Variants in EYS observed in about 807,000 individuals in gnomAD.
EYS encodes EGF-like photoreceptor maintenance factor, also known as protein eyes shut homolog.
Under a neutral mutation model 282.1 loss-of-function variants are expected in EYS, and 250 were observed. That is an observed-to-expected ratio of 0.89 (90% confidence interval 0.80 to 0.98). The LOEUF (loss-of-function observed/expected upper bound fraction) is 0.98. Ranked by LOEUF, EYS falls within the 50% of genes least tolerant of loss-of-function variation. The probability of loss-of-function intolerance (pLI) is 0.00; values close to 1 mark genes in which losing one functional copy is unlikely to be tolerated. For missense variants in EYS, 4,016 were observed against 3,709.0 expected, an observed-to-expected ratio of 1.08 and a Z score of -2.15; for synonymous variants, 1,355 against 1,282.9, an observed-to-expected ratio of 1.06 and a Z score of -1.20.
chr6:64,992,300 A>C (rs961739740), intron 14 of EYS, among the ~76,000 whole-genome samples: 7 of 151,900 alleles, frequency 4.6e-5, no homozygotes, highest in African/African-American at 7.2e-5. Context: ...TTATGATTCT[A>C]ATAAATTGGC....
intron 7 of EYS, among the ~76,000 whole-genome samples, chr6:65,391,319 A>G (rs1267203389): frequency 1.3e-5 from 2 of 152,170 alleles, no homozygotes; most frequent in South Asian, 2.1e-4. Context: ...TATTTTTAAT[A>G]GTTATATAGT....
At position 64,344,509 on chromosome 6, in the gene EYS, T is replaced by C. The variant is rs755739782; in HGVS notation, c.6079-37427A>G. Among the ~76,000 whole-genome samples the C allele has an allele frequency of 1.1e-4, 17 of 151,928 alleles. No homozygotes were observed. The South Asian group carries it at 1.5e-3, about 13-fold the overall frequency. ...AAGGCCTTTGACAAAATTCAACAACTCTTCATGCTAAAAACTCTCAATATT... is the reference window on the plus strand; with the variant it reads ...AAGGCCTTTGACAAAATTCAACAACCCTTCATGCTAAAAACTCTCAATATT... On this transcript the variant is annotated intron_variant, in intron 29 of 42. Transcript: ENST00000503581.
At chr6:64,400,981 T>C (rs903060869) in intron 28 of EYS, among the ~76,000 whole-genome samples, 1 of 152,030 alleles carries the variant, frequency 6.6e-6, no homozygotes, top group Non-Finnish European at 1.5e-5. Flanking sequence ...ATTAAGTTTA[T>C]GTATTCAGAG....
chr6:65,148,427 T>A (rs1199640648), intron 12 of EYS, among the ~76,000 whole-genome samples: 1 of 152,106 alleles, frequency 6.6e-6, no homozygotes, highest in African/African-American at 2.4e-5. Flanking sequence ...CTCCTTTGAC[T>A]CCATGTCTCA....
At chr6:64,111,592 C>T (rs1199356790) in intron 31 of EYS, among the ~76,000 whole-genome samples, 1 of 151,918 alleles carries the variant, frequency 6.6e-6, no homozygotes, top group Non-Finnish European at 1.5e-5. Context: ...TGAAAATAGT[C>T]ATTGTGGAGA....
intron 29 of EYS, among the ~76,000 whole-genome samples, chr6:64,378,826 T>C (rs1772650424): frequency 6.6e-6 from 1 of 152,178 alleles, no homozygotes; most frequent in Non-Finnish European, 1.5e-5. Flanking sequence ...ACTGGCTTCA[T>C]AAGAAAGCAC....
At chr6:64,741,232 C>T (rs1303776180) in intron 22 of EYS, among the ~76,000 whole-genome samples, 2 of 152,128 alleles carry the variant, frequency 1.3e-5, no homozygotes, top group Non-Finnish European at 2.9e-5. Context: ...TATTCTTGTA[C>T]ATCTCCATCA....
chr6:64,483,141 T>C (rs1050843003), intron 26 of EYS, among the ~76,000 whole-genome samples: 4 of 151,654 alleles, frequency 2.6e-5, no homozygotes, highest in Non-Finnish European at 5.9e-5. Flanking sequence ...TATGGGGTTC[T>C]AACACAAATA....
intron 22 of EYS, among the ~76,000 whole-genome samples, chr6:64,798,724 C>G (rs990525902): frequency 1.3e-5 from 2 of 149,122 alleles, no homozygotes; most frequent in African/African-American, 4.9e-5. Context: ...CTCCTTCCTT[C>G]CATAACTCTC....
chr6:65,178,943 A>C (rs939973580), intron 12 of EYS, among the ~76,000 whole-genome samples: 2 of 152,106 alleles, frequency 1.3e-5, no homozygotes, highest in Non-Finnish European at 2.9e-5. Context: ...AAACTGAACA[A>C]CCTGCTCCTG....
intron 31 of EYS, among the ~76,000 whole-genome samples, chr6:64,125,672 G>C (rs1345824742): frequency 1.3e-5 from 2 of 151,334 alleles, no homozygotes; most frequent in Non-Finnish European, 1.5e-5. Context: ...TGTAGTCCCA[G>C]CTACTCAGGA....
intron 29 of EYS, among the ~76,000 whole-genome samples, chr6:64,365,445 G>T (rs2150410802): frequency 6.6e-6 from 1 of 152,046 alleles, no homozygotes; most frequent in South Asian, 2.1e-4. Context: ...ATCACTCTTA[G>T]GTGTGCCTCT....
chr6:63,966,642 C>A (rs973930543), intron 35 of EYS, among the ~76,000 whole-genome samples: 10 of 152,184 alleles, frequency 6.6e-5, no homozygotes, highest in Non-Finnish European at 1.3e-4. Flanking sequence ...TTAATCCCTG[C>A]CCCTTTTACT....
chr6:65,285,789 G>T lies in EYS; in HGVS notation c.2023+10074C>A, dbSNP rs192284682. Among the ~76,000 whole-genome samples the T allele has an allele frequency of 4.0e-5, 6 of 151,872 alleles. No individual in the cohort carries two copies. The East Asian group carries it at 1.2e-3, about 29-fold the overall frequency. On this transcript the variant is annotated intron_variant, in intron 12 of 42. Transcript: ENST00000503581. ...TGAATTATAAATGCAGAGCTAACCT[G>T]GTATCTGTTAGAAAGAGAATGGAAT...
At chr6:65,150,025 G>C (rs373761312) in intron 12 of EYS, among the ~76,000 whole-genome samples, 1 of 151,952 alleles carries the variant, frequency 6.6e-6, no homozygotes, top group Non-Finnish European at 1.5e-5. Flanking sequence ...CAGATCTCAG[G>C]AGAACTCACT....
At chr6:64,527,576 G>C (rs971454381) in intron 26 of EYS, among the ~76,000 whole-genome samples, 2 of 151,656 alleles carry the variant, frequency 1.3e-5, no homozygotes, top group African/African-American at 2.4e-5. Flanking sequence ...CTAAAACAAA[G>C]CAATGTTTTT....
intron 13 of EYS, among the ~76,000 whole-genome samples, chr6:65,027,046 G>A (rs1230766541): frequency 6.7e-6 from 1 of 149,710 alleles, no homozygotes; most frequent in African/African-American, 2.5e-5. Context: ...ACAGTGAGAA[G>A]CTTGGCTACC....
chr6:63,906,933 G>C (rs900821394), intron 35 of EYS, among the ~76,000 whole-genome samples: 49 of 151,990 alleles, frequency 3.2e-4, no homozygotes, highest in African/African-American at 1.1e-3. Flanking sequence ...CTGGAGGGGA[G>C]CAATAATGAA....
At position 64,590,518 on chromosome 6, in the gene EYS, A is replaced by G; in HGVS notation, c.5349T>C (p.Asp1783=). 6.4e-7 allele frequency: 1 copy of G among 1,551,454 alleles called. No homozygotes were observed. The highest frequency in any genetic ancestry group is 8.7e-7 in the Non-Finnish European group (1 of 1,146,820). ...CAACATTGGTGGTGACTTCTGAAAAATCAGGCACTGAGCCTGTCAATGGTG... is the reference window on the plus strand; with the variant it reads ...CAACATTGGTGGTGACTTCTGAAAAGTCAGGCACTGAGCCTGTCAATGGTG... ...NLPPLTGSVP[D]FSEVTTNVAF... is the part of the protein sequence containing the mutation. The change falls in exon 26 of 43, where the codon GAT becomes GAC. Residue 1783 remains aspartate (D), a synonymous_variant. Transcript: ENST00000503581.
Sources: allele counts gnomAD v4.1 joint callset (sites outside exome capture counted in the v4.1 genomes callset), GRCh38; gene constraint gnomAD v4.1.1; transcripts MANE v1.5; gene names NCBI Gene and HGNC (gene_info 2026-07-23, HGNC 2026-07-21).